Variants in SARDH observed in about 807,000 individuals in gnomAD.
SARDH encodes the protein sarcosine dehydrogenase, also known as sarcosine dehydrogenase, mitochondrial.
SARDH carries 95 observed loss-of-function variants against 109.1 expected under a neutral mutation model. The ratio of observed to expected loss-of-function variants is 0.87; its 90% CI spans 0.74 to 1.03. The LOEUF is 1.03. Among genes scored for constraint, SARDH ranks in the 50% least tolerant of loss-of-function variants. The pLI, the probability that SARDH is intolerant of heterozygous loss-of-function variation, is 0.00. For missense variants in SARDH, 1,267 were observed against 1,287.8 expected (o/e 0.98, Z 0.25); for synonymous variants, 572 against 534.8 (o/e 1.07, Z -0.96).
intron 17 of SARDH, among the ~76,000 whole-genome samples, chr9:133,671,982 C>T (rs150127068): frequency 3.5e-4 from 53 of 152,342 alleles, no homozygotes; most frequent in African/African-American, 1.2e-3. Context: ...TAGTTTCCTA[C>T]CTGTCATAAC....
chr9:133,671,327 T>C (rs1830338665), intron 18 of SARDH, among the ~76,000 whole-genome samples: 1 of 151,980 alleles, frequency 6.6e-6, no homozygotes, highest in Non-Finnish European at 1.5e-5. Context: ...CCTGGGGCCC[T>C]GCACGAAGAC....
Position 133,686,250 on chromosome 9 carries a change from C to T in SARDH, c.2070-964G>A, listed in dbSNP as rs530896697. ...ATCTACTCTCACACTTGCGCAAGTA[C>T]CGGAGACCTCACTGGAGCCAACACC... On this transcript the variant is annotated intron_variant, in intron 16 of 20. Coordinates refer to ENST00000439388, the MANE Select transcript of SARDH (RefSeq NM_001134707.2). This position sits in a 1 kb window ranked among gnomAD's most constrained non-coding sequence, Gnocchi z 4.0. 6.6e-6 allele frequency among the ~76,000 whole-genome samples: 1 copy of T among 152,184 alleles called. No homozygotes were observed. Among genetic ancestry groups the T allele is most frequent in the Admixed American group, 6.5e-5 (1 of 15,292 alleles).
chr9:133,702,802 G>C (rs959771965), intron 13 of SARDH, 114 bp downstream of exon 13: 2 of 869,834 alleles, frequency 2.3e-6, no homozygotes, highest in Non-Finnish European at 1.8e-6. Flanking sequence ...TGCAGAGCCC[G>C]AAGAGACTCC....
rs930356678 is a variant in SARDH at position 133,709,094 on chromosome 9, C to T, written c.1329-666G>A. On this transcript the variant is annotated intron_variant, in intron 10 of 20. Transcript: ENST00000439388. This position sits in a 1 kb window ranked among gnomAD's most constrained non-coding sequence, Gnocchi z 4.2. ...TCTGGGGAGCGGCTGCCCAATCCAG[C>T]GCCTGGGACCGGAGATGATGTGGCT... Among the ~76,000 whole-genome samples, 2 of 152,162 alleles carry T rather than the reference C, an allele frequency of 1.3e-5. No homozygotes were observed. Among genetic ancestry groups the T allele is most frequent in the African/African-American group, 4.8e-5 (2 of 41,426 alleles).
chr9:133,723,710 CAGAGATCACA>C, intron 6 of SARDH, among the ~76,000 whole-genome samples: 1 of 152,318 alleles, frequency 6.6e-6, no homozygotes. Flanking sequence ...TTGCAGTGAG[CAGAGATCACA>C]CCACTGCACT....
At chr9:133,732,397 C>T (rs771157928) in intron 3 of SARDH, 26 bp downstream of exon 3, 12 of 1,566,912 alleles carry the variant, frequency 7.7e-6, no homozygotes, top group South Asian at 1.1e-5. Context: ...AGCCCCCCTC[C>T]TTGCCCCCCG....
At chr9:133,690,554 G>C in intron 15 of SARDH, 27 bp from the exon 16 acceptor site, 1 of 1,585,222 alleles carries the variant, frequency 6.3e-7, no homozygotes, top group Non-Finnish European at 8.6e-7. Context: ...TGGACTTAGA[G>C]CAGGATTTCA....
intron 19 of SARDH, among the ~76,000 whole-genome samples, chr9:133,667,355 G>C (rs1423507445): frequency 6.6e-6 from 1 of 151,740 alleles, no homozygotes; most frequent in Non-Finnish European, 1.5e-5. Context: ...TAATAGAGAT[G>C]GGGTTTCATC....
intron 16 of SARDH, among the ~76,000 whole-genome samples, chr9:133,687,514 C>T (rs796392587): frequency 3.1e-4 from 47 of 152,304 alleles, no homozygotes; most frequent in African/African-American, 1.1e-3. Flanking sequence ...CTCCCGGACT[C>T]AAGCGATCTT....
At chr9:133,730,005 G>A in intron 5 of SARDH, 59 bp downstream of exon 5, 1 of 1,605,030 alleles carries the variant, frequency 6.2e-7, no homozygotes, top group Non-Finnish European at 8.5e-7. Flanking sequence ...AGAGGTGGGA[G>A]CAGGTTTAGG....
In SARDH at chr9:133,712,744, C is replaced by T. The variant is rs765342554; in HGVS notation, c.1238-35G>A. ...AGAGAAGCGCAGGGCTGCGGTCTGC[C>T]CCCCAGGGTCCCCCACCCATGTCCA... On this transcript the variant is annotated intron_variant, in intron 9 of 20. Coordinates refer to ENST00000439388, the MANE Select transcript of SARDH (RefSeq NM_001134707.2). This position sits in a 1 kb window ranked among gnomAD's most constrained non-coding sequence, Gnocchi z 4.1. 7 of 1,575,418 alleles carry T rather than the reference C, an allele frequency of 4.4e-6. No individual in the cohort carries two copies. The highest frequency in any genetic ancestry group is 3.3e-5 in the South Asian group (3 of 90,354).
intron 17 of SARDH, among the ~76,000 whole-genome samples, chr9:133,676,761 A>C (rs1416375620): frequency 6.6e-6 from 1 of 152,234 alleles, no homozygotes; most frequent in Non-Finnish European, 1.5e-5. Context: ...TCCAGAAGTG[A>C]AGATGGTCGG....
intron 17 of SARDH, among the ~76,000 whole-genome samples, chr9:133,683,523 C>T (rs1830774031): frequency 1.3e-5 from 2 of 152,346 alleles, no homozygotes; most frequent in Admixed American, 1.3e-4. Context: ...GCCGTGTGGC[C>T]TGGATCCAGC....
At chr9:133,726,768 C>T (rs994903173) in intron 6 of SARDH, among the ~76,000 whole-genome samples, 1 of 152,218 alleles carries the variant, frequency 6.6e-6, no homozygotes, top group Admixed American at 6.5e-5. Flanking sequence ...TGCCTGATTG[C>T]TCCTGCCCTC....
chr9:133,701,330 C>A (rs1429002069), intron 13 of SARDH, among the ~76,000 whole-genome samples: 3 of 152,264 alleles, frequency 2.0e-5, no homozygotes, highest in African/African-American at 7.2e-5. Context: ...CCTGAGCTCT[C>A]CATGGCTTCT....
At chr9:133,733,184 G>A (rs570232753) in intron 2 of SARDH, among the ~76,000 whole-genome samples, 4 of 152,162 alleles carry the variant, frequency 2.6e-5, no homozygotes, top group Non-Finnish European at 4.4e-5. Flanking sequence ...GAGCCGGCTC[G>A]CATCAGCTCT....
chr9:133,702,659 A>G (rs1204280030), intron 13 of SARDH, among the ~76,000 whole-genome samples: 1 of 152,060 alleles, frequency 6.6e-6, no homozygotes, highest in Non-Finnish European at 1.5e-5. Flanking sequence ...CTCCGCCCCC[A>G]CCTCACCCCA....
intron 17 of SARDH, among the ~76,000 whole-genome samples, chr9:133,676,421 G>A (rs181701727): frequency 6.6e-6 from 1 of 152,278 alleles, no homozygotes; most frequent in Non-Finnish European, 1.5e-5. Flanking sequence ...AGACATTCTG[G>A]AGGTTTGTTT....
downstream of SARDH, among the ~76,000 whole-genome samples, chr9:133,661,111 G>A (rs374471354): frequency 1.4e-4 from 21 of 152,242 alleles, no homozygotes; most frequent in South Asian, 8.3e-4. Context: ...AGACTGAGGC[G>A]GGCGGATCAC....
Sources: allele counts gnomAD v4.1 joint callset (sites outside exome capture counted in the v4.1 genomes callset), GRCh38; gene constraint gnomAD v4.1.1; non-coding constraint Gnocchi (gnomAD v3.1); transcripts MANE v1.5; gene names NCBI Gene and HGNC (gene_info 2026-07-23, HGNC 2026-07-21).